The following PKIB variants were observed in gnomAD, a reference collection of about 807,000 sequenced individuals.
PKIB encodes the protein cAMP-dependent protein kinase inhibitor beta, also known as PKI-beta.
In PKIB, 2 loss-of-function variants were observed where a neutral mutation model predicts 4.5. The observed-to-expected ratio is 0.44, with a 90% CI of 0.18 to 1.39. PKIB has a LOEUF of 1.39. PKIB is among the 40% of genes most tolerant of loss of function. The pLI, the probability that PKIB is intolerant of heterozygous loss-of-function variation, is 0.27. For missense variants in PKIB, 94 were observed against 92.6 expected, an observed-to-expected ratio of 1.02 and a Z score of -0.06; for synonymous variants, 38 against 36.0, an observed-to-expected ratio of 1.06 and a Z score of -0.20.
At chr6:122,514,606 A>G (rs1337759554) in intron 2 of PKIB, among the ~76,000 whole-genome samples, 3 of 152,276 alleles carry the variant, frequency 2.0e-5, no homozygotes, top group Non-Finnish European at 2.9e-5. Flanking sequence ...ATCAGAATAT[A>G]AGAGGATAGC....
upstream of PKIB, among the ~76,000 whole-genome samples, chr6:122,607,441 C>T (rs1774580007): frequency 6.6e-6 from 1 of 152,188 alleles, no homozygotes; most frequent in Non-Finnish European, 1.5e-5. Flanking sequence ...TTGCTTGAGC[C>T]TGGGGGGCCA....
chr6:122,635,775 T>A (rs1054778443), intron 2 of PKIB, among the ~76,000 whole-genome samples: 23 of 152,000 alleles, frequency 1.5e-4, no homozygotes, highest in Non-Finnish European at 7.4e-5. Flanking sequence ...TCAAATGACA[T>A]TTGATAAAAT....
At chr6:122,493,365 T>A (rs1355440897) in intron 2 of PKIB, 1 of 152,250 alleles carries the variant, frequency 6.6e-6, no homozygotes, top group Non-Finnish European at 1.5e-5. Context: ...AGACACTGAA[T>A]CTGCTGGCAC....
chr6:122,688,896 T>A (rs1477287503), intron 3 of PKIB, among the ~76,000 whole-genome samples: 2 of 151,666 alleles, frequency 1.3e-5, no homozygotes, highest in African/African-American at 4.8e-5. Flanking sequence ...TTCTCCTGCC[T>A]CAGCCTCCCG....
intron 3 of PKIB, among the ~76,000 whole-genome samples, chr6:122,709,184 T>A (rs925668833): frequency 3.9e-5 from 6 of 152,294 alleles, no homozygotes; most frequent in African/African-American, 1.4e-4. Flanking sequence ...TGTAGAATGC[T>A]AATCAACAAA....
At chr6:122,557,171 G>T (rs1772869232) in intron 2 of PKIB, among the ~76,000 whole-genome samples, 1 of 152,194 alleles carries the variant, frequency 6.6e-6, no homozygotes, top group African/African-American at 2.4e-5. Flanking sequence ...AGCTGAGATG[G>T]CTGCACTACA....
intron 2 of PKIB, among the ~76,000 whole-genome samples, chr6:122,544,681 AAAATTATCAACAGAGTG>A (rs1772433846): frequency 3.9e-5 from 6 of 152,086 alleles, no homozygotes; most frequent in Admixed American, 3.3e-4. Context: ...AAGTAGAAGA[AAAATTATCAACAGAGTG>A]AACAGACAAC....
chr6:122,564,626 A>T (rs1371207633), intron 2 of PKIB, among the ~76,000 whole-genome samples: 2 of 152,242 alleles, frequency 1.3e-5, no homozygotes, highest in African/African-American at 4.8e-5. Flanking sequence ...GGTTTTACTC[A>T]TCAGAGTTTG....
At chr6:122,648,437 A>G (rs1776410678) in intron 2 of PKIB, among the ~76,000 whole-genome samples, 1 of 152,220 alleles carries the variant, frequency 6.6e-6, no homozygotes. Flanking sequence ...TCTAGAGCCC[A>G]GCAAAATACT....
At chr6:122,495,855 C>A (rs1776063723) in intron 2 of PKIB, among the ~76,000 whole-genome samples, 1 of 152,144 alleles carries the variant, frequency 6.6e-6, no homozygotes, top group Non-Finnish European at 1.5e-5. Context: ...CAGGTGTTTC[C>A]CATGGCTTTC....
chr6:122,493,491 A>G (rs1306739507), intron 2 of PKIB: 4 of 152,258 alleles, frequency 2.6e-5, no homozygotes, highest in South Asian at 2.1e-4. Context: ...GAAATCTTCT[A>G]TGAAAAATTG....
chr6:122,682,864 CT>C (rs1177816548), intron 3 of PKIB, among the ~76,000 whole-genome samples: 1 of 152,188 alleles, frequency 6.6e-6, no homozygotes, highest in Admixed American at 6.5e-5. Flanking sequence ...GCATAGTAAA[CT>C]TTACCAAGCC....
chr6:122,626,085 G>C (rs1370503968), intron 1 of PKIB, among the ~76,000 whole-genome samples: 1 of 151,972 alleles, frequency 6.6e-6, no homozygotes, highest in African/African-American at 2.4e-5. Context: ...TAGATAGATA[G>C]ATAGATAGAT....
chr6:122,662,308 C>CATTTTTTTTTTTTTTTTTTTTTTTTT (rs1491515725), intron 2 of PKIB, among the ~76,000 whole-genome samples: 1 of 13,252 alleles, frequency 7.5e-5, no homozygotes, highest in Non-Finnish European at 1.5e-4. Flanking sequence ...TCCTTGTCTC[C>CATTTTTTTTTTTTTTTTTTTTTTTTT]TTTTTTTTTT....
intron 2 of PKIB, among the ~76,000 whole-genome samples, chr6:122,537,062 A>G (rs1046414177): frequency 6.6e-6 from 1 of 151,542 alleles, no homozygotes; most frequent in Non-Finnish European, 1.5e-5. Context: ...ATGCTGGTAA[A>G]TTTTTTTTCT....
At chr6:122,531,768 C>A (rs1777266614) in intron 2 of PKIB, among the ~76,000 whole-genome samples, 1 of 152,160 alleles carries the variant, frequency 6.6e-6, no homozygotes, top group Non-Finnish European at 1.5e-5. Context: ...ATTCTTATTT[C>A]TTTCAAATAC....
At chr6:122,720,337 A>G (rs1485063801) in intron 4 of PKIB, among the ~76,000 whole-genome samples, 2 of 152,176 alleles carry the variant, frequency 1.3e-5, no homozygotes, top group African/African-American at 4.8e-5. Flanking sequence ...AAAAAGGTCA[A>G]TGATATTTGA....
At chr6:122,610,297 G>A (rs1774693827), upstream of PKIB, 1 of 152,262 alleles carries the variant, frequency 6.6e-6, no homozygotes, top group Non-Finnish European at 1.5e-5. Flanking sequence ...CGGAGAGCGG[G>A]ACACCGCCTG....
intron 2 of PKIB, among the ~76,000 whole-genome samples, chr6:122,673,752 G>A (rs375331194): frequency 2.6e-5 from 4 of 152,238 alleles, no homozygotes; most frequent in African/African-American, 9.6e-5. Flanking sequence ...ACTGTGCTGG[G>A]AACAAGACAA....
Sources: allele counts gnomAD v4.1 joint callset (sites outside exome capture counted in the v4.1 genomes callset), GRCh38; gene constraint gnomAD v4.1.1; transcripts MANE v1.5; gene names NCBI Gene and HGNC (gene_info 2026-07-23, HGNC 2026-07-21).